Variants in KANSL1 observed in about 807,000 individuals in gnomAD.
KANSL1 encodes the protein KAT8 regulatory NSL complex subunit 1, also known as MLL1/MLL complex subunit KANSL1.
In KANSL1, 22 loss-of-function variants were observed where a neutral mutation model predicts 103.6. That is an observed-to-expected ratio of 0.21 (90% CI 0.15 to 0.30). The LOEUF is 0.30. KANSL1 is among the 10% of genes least tolerant of loss of function. The probability of loss-of-function intolerance (pLI) is 1.00; values close to 1 mark genes in which losing one functional copy is unlikely to be tolerated. For missense variants in KANSL1, 1,337 were observed against 1,399.8 expected (o/e 0.96, Z 0.72); for synonymous variants, 600 against 527.6 (o/e 1.14, Z -1.88).
At chr17:46,201,738 G>A (rs1418907646) in intron 1 of KANSL1, among the ~76,000 whole-genome samples, 2 of 151,552 alleles carry the variant, frequency 1.3e-5, no homozygotes, top group African/African-American at 4.9e-5. Context: ...TCCAGGTACA[G>A]TGGCTCAGGC....
At chr17:46,076,755 CT>C (rs2078789767) in intron 4 of KANSL1, among the ~76,000 whole-genome samples, 1 of 152,022 alleles carries the variant, frequency 6.6e-6, no homozygotes, top group Admixed American at 6.6e-5. Flanking sequence ...TCATTAACGT[CT>C]TTTGTTAGAT....
chr17:46,162,190 T>C (rs55896133), intron 2 of KANSL1, among the ~76,000 whole-genome samples: 17,265 of 150,262 alleles, frequency 0.11, no homozygotes, highest in Non-Finnish European at 0.17. Context: ...CAATAGAAAA[T>C]TGGAGAAAGA....
At chr17:46,199,861 C>T (rs185729647) in intron 1 of KANSL1, among the ~76,000 whole-genome samples, 1 of 152,218 alleles carries the variant, frequency 6.6e-6, no homozygotes, top group East Asian at 1.9e-4. Context: ...AATTATATCA[C>T]TGAAAGAAAC....
intron 2 of KANSL1, among the ~76,000 whole-genome samples, chr17:46,112,666 G>C (rs2042870314): frequency 6.6e-6 from 1 of 151,930 alleles, no homozygotes; most frequent in Admixed American, 6.6e-5. Flanking sequence ...TCCTGGGTGA[G>C]AGTGAGACAT....
At chr17:46,115,503 G>A (rs1054777898) in intron 2 of KANSL1, among the ~76,000 whole-genome samples, 1 of 152,060 alleles carries the variant, frequency 6.6e-6, no homozygotes, top group South Asian at 2.1e-4. Flanking sequence ...GCTCCTGAAA[G>A]CTAAACAGAA....
chr17:46,107,040 C>CA (rs2042596896), intron 2 of KANSL1, among the ~76,000 whole-genome samples: 1 of 152,188 alleles, frequency 6.6e-6, no homozygotes, highest in Admixed American at 6.5e-5. Flanking sequence ...AACACAGTGA[C>CA]AAAAGCATCT....
chr17:46,189,811 G>A (rs2047219793), intron 1 of KANSL1, among the ~76,000 whole-genome samples: 1 of 150,966 alleles, frequency 6.6e-6, no homozygotes, highest in African/African-American at 2.4e-5. Context: ...GGCGGCTGAG[G>A]CACGAGAATC....
At chr17:46,113,449 T>G (rs2042909013) in intron 2 of KANSL1, among the ~76,000 whole-genome samples, 1 of 152,216 alleles carries the variant, frequency 6.6e-6, no homozygotes, top group Non-Finnish European at 1.5e-5. Flanking sequence ...ACTAAGAGTA[T>G]GCAGCATGCA....
chr17:46,183,089 C>T (rs972371624), intron 1 of KANSL1, among the ~76,000 whole-genome samples: 1 of 152,162 alleles, frequency 6.6e-6, no homozygotes, highest in African/African-American at 2.4e-5. Flanking sequence ...TAGGCGGAGT[C>T]AGAAAATGCT....
chr17:46,105,929 AC>A (rs1567680614), intron 2 of KANSL1, among the ~76,000 whole-genome samples: 3,732 of 104,350 alleles, frequency 0.036, 90 homozygotes, highest in Admixed American at 0.051. Context: ...ACACACACAC[AC>A]ACACACACAC....
In KANSL1 at chr17:46,170,998, T is replaced by C; in HGVS notation, c.1146A>G (p.Arg382=). The C allele has an allele frequency of 6.2e-7, 1 of 1,614,196 alleles. No individual in the cohort carries two copies. The highest frequency in any genetic ancestry group is 8.5e-7 in the Non-Finnish European group (1 of 1,180,046). The part of the protein sequence containing the change: ...KSNSISEELE[R]FTASGIANLR... ...AGTTGGCTATGCCACTAGCTGTAAATCTCTCCAATTCTTCTGAAATTGAAT... is the reference window on the plus strand; with the variant it reads ...AGTTGGCTATGCCACTAGCTGTAAACCTCTCCAATTCTTCTGAAATTGAAT... Residue 382 remains arginine (R), a synonymous_variant, in exon 2 of 15, where the codon AGA becomes AGG. Transcript: ENST00000432791.
intron 2 of KANSL1, among the ~76,000 whole-genome samples, chr17:46,105,952 C>CACACACAA (rs1391201694): frequency 1.5e-4 from 18 of 123,680 alleles, no homozygotes; most frequent in Non-Finnish European, 2.3e-4. Context: ...CACACACCCC[C>CACACACAA]CCAGAAGGGT....
chr17:46,205,464 T>C (rs1449717469), intron 1 of KANSL1, among the ~76,000 whole-genome samples: 4 of 151,636 alleles, frequency 2.6e-5, no homozygotes, highest in Non-Finnish European at 5.9e-5. Flanking sequence ...GGCGGATCAC[T>C]TGAGGTCAGG....
intron 2 of KANSL1, among the ~76,000 whole-genome samples, chr17:46,110,428 C>T (rs539923353): frequency 9.1e-4 from 139 of 152,274 alleles, no homozygotes; most frequent in Non-Finnish European, 1.8e-3. Flanking sequence ...ATGATCATCA[C>T]TGCCCCATTT....
At chr17:46,150,700 T>C (rs962424941) in intron 2 of KANSL1, among the ~76,000 whole-genome samples, 19 of 152,188 alleles carry the variant, frequency 1.2e-4, no homozygotes, top group Non-Finnish European at 2.5e-4. Context: ...TCCATCTTAT[T>C]ACCCAGAGGG....
At chr17:46,065,669 A>C (rs1289385956) in intron 6 of KANSL1, among the ~76,000 whole-genome samples, 5 of 152,206 alleles carry the variant, frequency 3.3e-5, no homozygotes, top group Non-Finnish European at 5.9e-5. Flanking sequence ...CAAGGTTATC[A>C]TCTTCAAAGA....
intron 1 of KANSL1, among the ~76,000 whole-genome samples, chr17:46,218,714 C>G (rs973399284): frequency 1.3e-5 from 2 of 151,436 alleles, no homozygotes; most frequent in African/African-American, 4.9e-5. Flanking sequence ...ACTCAGGAGA[C>G]ACAGGTTGCA....
intron 2 of KANSL1, among the ~76,000 whole-genome samples, chr17:46,135,561 T>TTTG (rs1165041626): frequency 5.5e-5 from 7 of 126,268 alleles, no homozygotes; most frequent in African/African-American, 6.4e-5. Flanking sequence ...TTTTTTTTTT[T>TTTG]GAGACAGAGT....
At chr17:46,110,772 AGTTCTGAAAGGAGAGAAATAAG>A (rs1438151656) in intron 2 of KANSL1, among the ~76,000 whole-genome samples, 1 of 152,054 alleles carries the variant, frequency 6.6e-6, no homozygotes, top group East Asian at 1.9e-4. Context: ...ATTTGTGCTG[AGTTCTGAAAGGAGAGAAATAAG>A]GTTGGGGTGG....
Sources: gnomAD v4.1 joint callset for allele counts (sites outside exome capture counted in the v4.1 genomes callset) on GRCh38, gnomAD v4.1.1 for gene constraint, MANE v1.5 for transcripts, NCBI Gene and HGNC (gene_info 2026-07-23, HGNC 2026-07-21) for gene names.